RGS20: variants seen among roughly 807,000 people sequenced by gnomAD.
RGS20 encodes regulator of G protein signaling 20, also known as gz-selective GTPase-activating protein.
RGS20 carries 30 observed loss-of-function variants against 33.6 expected under a neutral mutation model. The ratio of observed to expected loss-of-function variants is 0.89; its 90% CI spans 0.67 to 1.21. The LOEUF (loss-of-function observed/expected upper bound fraction) is 1.21. Among genes scored for constraint, RGS20 ranks in the 50% most tolerant of loss-of-function variants. The pLI is 0.00. For synonymous variants in RGS20, 208 were observed against 197.9 expected (o/e 1.05, Z -0.43); for missense variants, 472 against 502.4 (o/e 0.94, Z 0.58).
intron 2 of RGS20, among the ~76,000 whole-genome samples, chr8:53,884,873 G>A (rs1034339140): frequency 7.2e-5 from 11 of 152,200 alleles, no homozygotes; most frequent in Admixed American, 5.9e-4. Flanking sequence ...CTCGCCTCAG[G>A]TAAGGTAAGG....
chr8:53,859,030 TA>T (rs1392710297), intron 1 of RGS20, among the ~76,000 whole-genome samples: 1 of 152,036 alleles, frequency 6.6e-6, no homozygotes, highest in Non-Finnish European at 1.5e-5. Context: ...GTGTAAGAGA[TA>T]ATGCAGACTT....
intron 1 of RGS20, among the ~76,000 whole-genome samples, chr8:53,873,061 C>A (rs994765350): frequency 2.6e-5 from 4 of 152,076 alleles, no homozygotes; most frequent in African/African-American, 4.8e-5. Flanking sequence ...GGGTGCTGTC[C>A]TCATGATAGT....
chr8:53,858,860 A>T, intron 1 of RGS20, among the ~76,000 whole-genome samples: 1 of 151,160 alleles, frequency 6.6e-6, no homozygotes, highest in South Asian at 2.1e-4. Context: ...GACTGTCTGA[A>T]AAATATCCAG....
chr8:53,902,765 G>A (rs570648095), intron 2 of RGS20, among the ~76,000 whole-genome samples: 41 of 151,330 alleles, frequency 2.7e-4, no homozygotes, highest in Non-Finnish European at 4.3e-4. Context: ...TCCCTCTGTC[G>A]CCCAGGCTAG....
chr8:53,876,638 C>A (rs1453306254), intron 1 of RGS20: 8 of 152,246 alleles, frequency 5.3e-5, no homozygotes, highest in African/African-American at 1.9e-4. Context: ...TCTGTCCTTG[C>A]CAGAAGTTCG....
chr8:53,890,813 G>A (rs1812692174), intron 2 of RGS20, among the ~76,000 whole-genome samples: 1 of 152,170 alleles, frequency 6.6e-6, no homozygotes, highest in Non-Finnish European at 1.5e-5. Flanking sequence ...CAAATGTTTT[G>A]TAGAGATGGG....
chr8:53,936,083 T>G (rs1814121945), intron 2 of RGS20, among the ~76,000 whole-genome samples: 1 of 152,212 alleles, frequency 6.6e-6, no homozygotes, highest in South Asian at 2.1e-4. Flanking sequence ...AAACTAGGTA[T>G]TGATGGAATG....
intron 2 of RGS20, among the ~76,000 whole-genome samples, chr8:53,897,965 C>T (rs1806029607): frequency 6.6e-6 from 1 of 152,198 alleles, no homozygotes; most frequent in East Asian, 1.9e-4. Context: ...GCAAAGGCAA[C>T]AGGTGCTACT....
intron 4 of RGS20, among the ~76,000 whole-genome samples, chr8:53,947,969 CT>C (rs1209057984): frequency 2.3e-5 from 3 of 129,974 alleles, no homozygotes; most frequent in Non-Finnish European, 3.1e-5. Flanking sequence ...TTTACATATG[CT>C]ATATATAAGA....
chr8:53,936,912 A>G (rs1037753804), intron 2 of RGS20, among the ~76,000 whole-genome samples: 2 of 152,216 alleles, frequency 1.3e-5, no homozygotes, highest in East Asian at 3.8e-4. Context: ...GACCAATGGA[A>G]CAGAACAGAG....
chr8:53,918,579 G>T (rs1157234718), intron 2 of RGS20, among the ~76,000 whole-genome samples: 1 of 151,852 alleles, frequency 6.6e-6, no homozygotes, highest in Non-Finnish European at 1.5e-5. Context: ...AGTAGAGATG[G>T]GTTTCACTAT....
intron 3 of RGS20, among the ~76,000 whole-genome samples, chr8:53,943,888 T>A (rs1585947835): frequency 6.6e-6 from 1 of 152,044 alleles, no homozygotes; most frequent in South Asian, 2.1e-4. Context: ...GATTTTTTTT[T>A]AAAGAAGCCA....
chr8:53,905,802 G>C (rs533174346), intron 2 of RGS20, among the ~76,000 whole-genome samples: 1 of 152,024 alleles, frequency 6.6e-6, no homozygotes, highest in South Asian at 2.1e-4. Flanking sequence ...AGAATCTAGC[G>C]AGCAGCCAAA....
At chr8:53,953,629 T>C (rs370423636) in intron 4 of RGS20, among the ~76,000 whole-genome samples, 3 of 152,212 alleles carry the variant, frequency 2.0e-5, no homozygotes, top group Admixed American at 2.0e-4. Context: ...TTATATAATT[T>C]TAAAATATAT....
At chr8:53,936,860 G>A (rs1281805355) in intron 2 of RGS20, among the ~76,000 whole-genome samples, 2 of 152,184 alleles carry the variant, frequency 1.3e-5, no homozygotes, top group Non-Finnish European at 2.9e-5. Context: ...CAATGTTGTA[G>A]TAACCAAAAC....
intron 1 of RGS20, among the ~76,000 whole-genome samples, chr8:53,866,280 C>A (rs145767685): frequency 3.9e-5 from 6 of 152,084 alleles, no homozygotes; most frequent in Non-Finnish European, 8.8e-5. Context: ...ATCAGCAAAT[C>A]GCAGAAGGTC....
chr8:53,894,572 GC>G (rs1206049587), intron 2 of RGS20, among the ~76,000 whole-genome samples: 4 of 152,164 alleles, frequency 2.6e-5, no homozygotes, highest in African/African-American at 9.7e-5. Context: ...TCACTGATGG[GC>G]CTACACAAAT....
intron 1 of RGS20, among the ~76,000 whole-genome samples, chr8:53,864,044 C>A (rs530967274): frequency 2.1e-4 from 32 of 152,088 alleles, no homozygotes; most frequent in Admixed American, 1.2e-3. Flanking sequence ...GACAATAATA[C>A]TTTTCACATT....
intron 1 of RGS20, among the ~76,000 whole-genome samples, chr8:53,853,885 G>A (rs995148304): frequency 7.9e-5 from 12 of 152,174 alleles, no homozygotes; most frequent in Admixed American, 1.3e-4. Context: ...TCACTATGGG[G>A]TAAGACAATT....
Sources: gnomAD v4.1 joint callset for allele counts (sites outside exome capture counted in the v4.1 genomes callset) on GRCh38, gnomAD v4.1.1 for gene constraint, MANE v1.5 for transcripts, NCBI Gene and HGNC (gene_info 2026-07-23, HGNC 2026-07-21) for gene names.